The following RUNX1 variants were observed in gnomAD, a reference collection of about 807,000 sequenced individuals.
RUNX1 encodes the protein RUNX family transcription factor 1, also known as runt-related transcription factor 1.
A neutral mutation model predicts 42.8 loss-of-function variants in RUNX1; 19 were observed. That is an observed-to-expected ratio of 0.44 (90% confidence interval 0.31 to 0.65). The LOEUF (loss-of-function observed/expected upper bound fraction) is 0.65. Ranked by LOEUF, RUNX1 falls within the 30% of genes least tolerant of loss-of-function variation. RUNX1 has a pLI of 0.07. For synonymous variants in RUNX1, 271 were observed against 289.4 expected, an observed-to-expected ratio of 0.94 and a Z score of 0.64; for missense variants, 528 against 672.0, an observed-to-expected ratio of 0.79 and a Z score of 2.37.
At chr21:34,909,794 C>A (rs917216927) in intron 2 of RUNX1, among the ~76,000 whole-genome samples, 2 of 152,122 alleles carry the variant, frequency 1.3e-5, no homozygotes, top group African/African-American at 2.4e-5. Context: ...AAAACTTAAT[C>A]TTTAGGGTTC....
chr21:34,856,839 A>G (rs1395443651), intron 6 of RUNX1, among the ~76,000 whole-genome samples: 2 of 152,184 alleles, frequency 1.3e-5, no homozygotes, highest in East Asian at 3.8e-4. Flanking sequence ...TCATCCAGAG[A>G]TCTGGCAACA....
chr21:34,859,068 C>T (rs56365393), intron 6 of RUNX1, among the ~76,000 whole-genome samples: 3,451 of 152,272 alleles, frequency 0.023, 43 homozygotes, highest in Middle Eastern at 0.031. Context: ...CCAGCATAGA[C>T]GGTAATTACT....
chr21:34,943,535 T>C (rs565853259), intron 2 of RUNX1, among the ~76,000 whole-genome samples: 2 of 152,336 alleles, frequency 1.3e-5, no homozygotes, highest in East Asian at 1.9e-4. Context: ...TCTTACTTCA[T>C]ACAAAAGACA....
At position 34,956,767 on chromosome 21, in the gene RUNX1, G is replaced by A. The variant is rs11909160; in HGVS notation, c.59-63804C>T. Among the ~76,000 whole-genome samples the A allele has an allele frequency of 9.8e-3, 1,485 of 152,226 alleles. 24 individuals carry two copies. The highest frequency in any genetic ancestry group is 0.029 in the African/African-American group (1,207 of 41,516). The stretch of plus-strand genomic sequence containing the variant: ...TGAGCCCATTTGCCCCATCCTGCTC[G>A]TTCTCCTCCTCTTCCTCTTTTTCTC... On this transcript the variant is annotated intron_variant, in intron 2 of 8. Transcript: ENST00000675419.
chr21:34,848,057 A>G (rs939531492), intron 6 of RUNX1, among the ~76,000 whole-genome samples: 2 of 152,208 alleles, frequency 1.3e-5, no homozygotes, highest in Non-Finnish European at 2.9e-5. Flanking sequence ...ATGTGCTTTA[A>G]TAATAGCAGC....
At chr21:35,030,333 ACT>A (rs2059264521) in intron 2 of RUNX1, among the ~76,000 whole-genome samples, 1 of 151,708 alleles carries the variant, frequency 6.6e-6, no homozygotes, top group Non-Finnish European at 1.5e-5. Flanking sequence ...ACAGAGTGAG[ACT>A]CTGTCTCAAA....
rs1313149067 is a variant in RUNX1, at chr21:34,843,430, G to A, written c.614-8829C>T. On this transcript the variant is annotated intron_variant, in intron 6 of 8. Transcript: ENST00000675419. This position sits in a 1 kb window ranked among gnomAD's most constrained non-coding sequence, Gnocchi z 4.8. ...ACACACAGGCAGATATACAGACATG[G>A]GGACACATATATACAAACATACACA... 6.6e-6 allele frequency among the ~76,000 whole-genome samples: 1 copy of A among 151,822 alleles called. No homozygotes were observed. The highest frequency in any genetic ancestry group is 1.5e-5 in the Non-Finnish European group (1 of 67,940).
intron 6 of RUNX1, among the ~76,000 whole-genome samples, chr21:34,840,044 G>A (rs767969853): frequency 4.6e-5 from 7 of 152,112 alleles, no homozygotes; most frequent in Admixed American, 2.6e-4. Context: ...CAGATAGGCC[G>A]GTGTGTGACC....
chr21:34,890,749 C>T (rs1217756021), intron 3 of RUNX1, among the ~76,000 whole-genome samples: 1 of 139,238 alleles, frequency 7.2e-6, no homozygotes, highest in Non-Finnish European at 1.6e-5. Context: ...GCCCAAACGT[C>T]CACTTTCTAA....
intron 2 of RUNX1, among the ~76,000 whole-genome samples, chr21:34,949,850 C>T (rs536195652): frequency 2.6e-5 from 4 of 152,330 alleles, no homozygotes; most frequent in South Asian, 2.1e-4. Context: ...GAATAATACA[C>T]GAGGCCCTTC....
intron 2 of RUNX1, among the ~76,000 whole-genome samples, chr21:35,025,056 G>A (rs1352651025): frequency 1.3e-5 from 2 of 152,214 alleles, no homozygotes; most frequent in Non-Finnish European, 1.5e-5. Flanking sequence ...AAGCAGATCC[G>A]AAGATGTTTA....
chr21:34,931,740 T>C (rs1400727724), intron 2 of RUNX1, among the ~76,000 whole-genome samples: 2 of 151,484 alleles, frequency 1.3e-5, no homozygotes, highest in Non-Finnish European at 2.9e-5. Flanking sequence ...CAATTATTGA[T>C]GTCTGCAACA....
chr21:34,867,551 G>A (rs2057679783), intron 5 of RUNX1, among the ~76,000 whole-genome samples: 1 of 152,182 alleles, frequency 6.6e-6, no homozygotes, highest in Non-Finnish European at 1.5e-5. Flanking sequence ...GGTATGCTGG[G>A]CTCAACTGCA....
intron 5 of RUNX1, among the ~76,000 whole-genome samples, chr21:34,872,417 C>T (rs1029497428): frequency 2.0e-5 from 3 of 152,218 alleles, no homozygotes; most frequent in Admixed American, 6.5e-5. Flanking sequence ...ATCCCTGACC[C>T]AGGATAGCAG....
At chr21:34,956,889 T>A (rs1042344050) in intron 2 of RUNX1, among the ~76,000 whole-genome samples, 3 of 152,206 alleles carry the variant, frequency 2.0e-5, no homozygotes, top group African/African-American at 7.2e-5. Context: ...GTAAACTAAC[T>A]CTTGTTCCTC....
intron 3 of RUNX1, 197 bp from the exon 4 acceptor site, chr21:34,887,293 T>C: frequency 6.9e-7 from 1 of 1,455,896 alleles, no homozygotes; most frequent in South Asian, 1.4e-5. Flanking sequence ...TTACTAACAG[T>C]CCAGGAGGGG....
At chr21:34,808,029 T>C (rs1420810858) in intron 7 of RUNX1, among the ~76,000 whole-genome samples, 1 of 152,220 alleles carries the variant, frequency 6.6e-6, no homozygotes, top group Non-Finnish European at 1.5e-5. Flanking sequence ...CTATTCCTAC[T>C]ACAGGTACCC....
At chr21:34,909,148 G>A (rs930542113) in intron 2 of RUNX1, among the ~76,000 whole-genome samples, 1 of 152,134 alleles carries the variant, frequency 6.6e-6, no homozygotes, top group Non-Finnish European at 1.5e-5. Context: ...TCTGATCCGT[G>A]TGGCTCCCCA....
At chr21:34,850,499 C>T (rs998522856) in intron 6 of RUNX1, among the ~76,000 whole-genome samples, 1 of 152,198 alleles carries the variant, frequency 6.6e-6, no homozygotes, top group Admixed American at 6.5e-5. Context: ...CTACATTACA[C>T]GTCACGTTTC....
Sources: allele counts gnomAD v4.1 joint callset (sites outside exome capture counted in the v4.1 genomes callset), GRCh38; gene constraint gnomAD v4.1.1; non-coding constraint Gnocchi (gnomAD v3.1); transcripts MANE v1.5; gene names NCBI Gene and HGNC (gene_info 2026-07-23, HGNC 2026-07-21).